CR1L: variants seen among roughly 807,000 people sequenced by gnomAD.
The protein encoded by CR1L is complement C3b/C4b receptor 1 like, also known as complement component receptor 1-like protein.
In CR1L, 59 loss-of-function variants were observed where a neutral mutation model predicts 62.3. That is an observed-to-expected ratio of 0.95 (90% CI 0.77 to 1.18). The LOEUF is 1.18. CR1L is among the 50% of genes most tolerant of loss of function. The pLI, the probability that CR1L is intolerant of heterozygous loss-of-function variation, is 0.00. For missense variants in CR1L, 700 were observed against 702.8 expected, an observed-to-expected ratio of 1.00 and a Z score of 0.04; for synonymous variants, 279 against 248.7, an observed-to-expected ratio of 1.12 and a Z score of -1.15.
Position 207,671,643 on chromosome 1 carries a change from G to A in CR1L, c.98-5746G>A, listed in dbSNP as rs140813098. ...AAAATGCTCAGTTAAAACAATAAACGGGGCCAGGCGCAGTGGCTCACACCT... is the reference window on the plus strand; with the variant it reads ...AAAATGCTCAGTTAAAACAATAAACAGGGCCAGGCGCAGTGGCTCACACCT... On this transcript the variant is annotated intron_variant, in intron 1 of 11. Transcript: ENST00000508064. Among the ~76,000 whole-genome samples the A allele has an allele frequency of 1.5e-3, 228 of 150,904 alleles. 10 individuals are homozygous for A. The highest frequency in any genetic ancestry group is 5.5e-3 in the African/African-American group (220 of 40,312).
chr1:207,688,504 CT>C (rs1212917254), intron 4 of CR1L, among the ~76,000 whole-genome samples: 23 of 152,110 alleles, frequency 1.5e-4, no homozygotes, highest in Admixed American at 1.5e-3. Flanking sequence ...TATTTGATAT[CT>C]GGTGGCATAT....
Position 207,673,030 on chromosome 1 carries a change from A to G in CR1L, c.98-4359A>G, listed in dbSNP as rs12751041. The stretch of plus-strand genomic sequence containing the variant: ...TCCCTCTCACCCTCCCTGCAAAGAC[A>G]CATGTATACAAATTTCTTTTGTCAG... On this transcript the variant is annotated intron_variant, in intron 1 of 11. Transcript: ENST00000508064. Among the ~76,000 whole-genome samples, 982 of 152,352 alleles carry G rather than the reference A, an allele frequency of 6.4e-3. 8 individuals carry two copies. Among genetic ancestry groups the G allele is most frequent in the Non-Finnish European group, 8.5e-3 (580 of 68,042 alleles).
At position 207,694,342 on chromosome 1, in the gene CR1L, T is replaced by A; in HGVS notation, c.464-11T>A. On this transcript the variant is annotated splice_polypyrimidine_tract_variant and intron_variant, in intron 4 of 11. Coordinates refer to ENST00000508064, the MANE Select transcript of CR1L (RefSeq NM_175710.2). ...TCATTATTTAAATTGACTGTGCTCT[T>A]CCTTTCCCAGGAATTATTTGTGGGC... 1 of 1,613,962 alleles carries A rather than the reference T, an allele frequency of 6.2e-7. No homozygotes were observed. Among genetic ancestry groups the A allele is most frequent in the Non-Finnish European group, 8.5e-7 (1 of 1,179,850 alleles).
chr1:207,707,642 C>G (rs1285991254), intron 9 of CR1L, among the ~76,000 whole-genome samples: 2 of 152,090 alleles, frequency 1.3e-5, no homozygotes, highest in Non-Finnish European at 2.9e-5. Context: ...AACAAACAAA[C>G]AAACAAAGCA....
rs761799099 is a variant in CR1L at position 207,697,598 on chromosome 1, C to T, written c.958C>T (p.Pro320Ser). Reference protein sequence around the residue: ...PGQEVFYSCEPGYDLRGSTYL... With the variant: ...PGQEVFYSCESGYDLRGSTYL... ...GCAGGAAGTGTTCTACAGCTGTGAGCCCGGCTACGACCTCAGAGGATCTAC... is the reference window on the plus strand; with the variant it reads ...GCAGGAAGTGTTCTACAGCTGTGAGTCCGGCTACGACCTCAGAGGATCTAC... Residue 320 changes from proline to serine, a missense_variant, in exon 6 of 12, where the codon CCC (proline) becomes TCC (serine). Physicochemically the swap from Pro to Ser is moderately conservative, Grantham distance 74. Transcript: ENST00000508064. 4 of 1,613,786 alleles carry T rather than the reference C, an allele frequency of 2.5e-6. No homozygotes were observed. The African/African-American group carries it at 4.0e-5, about 16-fold the overall frequency.
chr1:207,660,568 A>G (rs1052447397), intron 1 of CR1L, among the ~76,000 whole-genome samples: 2 of 151,932 alleles, frequency 1.3e-5, no homozygotes, highest in Non-Finnish European at 2.9e-5. Context: ...GCAGTCTATC[A>G]ATTTTGTTGA....
intron 1 of CR1L, among the ~76,000 whole-genome samples, chr1:207,671,021 A>C (rs1335584106): frequency 6.6e-6 from 1 of 151,068 alleles, no homozygotes; most frequent in East Asian, 1.9e-4. Context: ...TAGGTGGTGG[A>C]GTTTTATGAA....
chr1:207,699,264 A>C lies in CR1L; in HGVS notation c.1218A>C (p.Pro406=), dbSNP rs748445817. Residue 406 remains proline, a synonymous_variant, in exon 8 of 12, where the codon CCA becomes CCC. Transcript: ENST00000508064. ...AAAGCCTTTGGAATAGCAGTGTTCC[A>C]GTGTGTGAACGTAAGTAATAGGAGT... ...GMESLWNSSV[P]VCERKSCETP... The C allele has an allele frequency of 6.2e-6, 10 of 1,613,762 alleles. No individual in the cohort carries two copies. Among genetic ancestry groups the C allele is most frequent in the Non-Finnish European group, 7.6e-6 (9 of 1,179,668 alleles).
At chr1:207,655,791 A>T (rs1348114395) in intron 1 of CR1L, among the ~76,000 whole-genome samples, 2 of 152,234 alleles carry the variant, frequency 1.3e-5, no homozygotes, top group African/African-American at 4.8e-5. Flanking sequence ...AACATTTTTT[A>T]ATGAAAAATA....
intron 1 of CR1L, among the ~76,000 whole-genome samples, chr1:207,648,395 A>G (rs1369100288): frequency 1.4e-5 from 2 of 143,814 alleles, no homozygotes; most frequent in African/African-American, 5.1e-5. Context: ...CAAGACAGGT[A>G]TGAAACCTAG....
In CR1L at chr1:207,697,531, T is replaced by C. The variant is rs1264396345; in HGVS notation, c.891T>C (p.His297=). ...GTCAGCCACCTCCAGATGTCCTGCATGCTGAGCGTACCCAAAGGGACAAGG... is the reference window on the plus strand; with the variant it reads ...GTCAGCCACCTCCAGATGTCCTGCACGCTGAGCGTACCCAAAGGGACAAGG... ...RVCQPPPDVL[H]AERTQRDKDN... Residue 297 remains histidine, a synonymous_variant, in exon 6 of 12, where the codon CAT becomes CAC. Transcript: ENST00000508064. The C allele has an allele frequency of 6.2e-7, 1 of 1,613,786 alleles. No homozygotes were observed. The highest frequency in any genetic ancestry group is 8.5e-7 in the Non-Finnish European group (1 of 1,179,716).
Position 207,697,493 on chromosome 1 carries a change from C to A in CR1L, c.863-10C>A, listed in dbSNP as rs1017778578. On this transcript the variant is annotated splice_polypyrimidine_tract_variant and intron_variant, in intron 5 of 11. Coordinates refer to ENST00000508064, the MANE Select transcript of CR1L (RefSeq NM_175710.2). Reference sequence around the variant, plus strand: ...ACACAATTAGCAGTACTTTGTTTCTCTCTCCCCAGTATGTCAGCCACCTCC... The same window carrying A: ...ACACAATTAGCAGTACTTTGTTTCTATCTCCCCAGTATGTCAGCCACCTCC... The A allele has an allele frequency of 1.2e-6, 2 of 1,613,652 alleles. No individual in the cohort carries two copies. Among genetic ancestry groups the A allele is most frequent in the African/African-American group, 2.7e-5 (2 of 74,904 alleles).
chr1:207,673,332 T>C (rs530208074), intron 1 of CR1L, among the ~76,000 whole-genome samples: 109 of 152,358 alleles, frequency 7.2e-4, no homozygotes, highest in Non-Finnish European at 1.4e-3. Context: ...TTTGTGTACA[T>C]ATATAATTTA....
intron 1 of CR1L, chr1:207,652,530 T>G: frequency 7.1e-7 from 1 of 1,402,976 alleles, no homozygotes; most frequent in Non-Finnish European, 1.0e-6. Flanking sequence ...TTCATGTTCC[T>G]ATTCTCTTAT....
intron 1 of CR1L, among the ~76,000 whole-genome samples, chr1:207,661,605 C>T (rs918291452): frequency 6.6e-6 from 1 of 152,120 alleles, no homozygotes; most frequent in Non-Finnish European, 1.5e-5. Flanking sequence ...ATCCTATTTG[C>T]CAGTCTGTGT....
At position 207,697,883 on chromosome 1, in the gene CR1L, A is replaced by G. The variant is rs534701998; in HGVS notation, c.1142+10A>G. The G allele has an allele frequency of 8.1e-6, 13 of 1,613,820 alleles. No individual in the cohort carries two copies. The highest frequency in any genetic ancestry group is 2.2e-5 in the South Asian group (2 of 91,082). On this transcript the variant is annotated intron_variant, in intron 7 of 11. Coordinates refer to ENST00000508064, the MANE Select transcript of CR1L (RefSeq NM_175710.2). ...TTGTTTGTGATGAAGGGTGAGTATG[A>G]GCTTGCCTGACCTGCTGGACATTGA...
intron 1 of CR1L, chr1:207,658,754 C>T (rs571864230): frequency 1.3e-5 from 2 of 152,460 alleles, no homozygotes; most frequent in South Asian, 2.1e-4. Context: ...ATGCCCCCCA[C>T]TTCGGAGACT....
chr1:207,683,523 A>G (rs11118354), intron 3 of CR1L, among the ~76,000 whole-genome samples: 55,281 of 152,002 alleles, frequency 0.36, 10,205 homozygotes, highest in Non-Finnish European at 0.4. Context: ...CAACAGGACT[A>G]CATACACACA....
intron 11 of CR1L, among the ~76,000 whole-genome samples, 154 bp from the exon 12 acceptor site, chr1:207,723,464 A>T (rs1654183265): frequency 6.6e-6 from 1 of 152,134 alleles, no homozygotes; most frequent in Non-Finnish European, 1.5e-5. Context: ...AGAAGGTAAA[A>T]TGAGAGTATA....
Sources: gnomAD v4.1 joint callset for allele counts (sites outside exome capture counted in the v4.1 genomes callset) on GRCh38, gnomAD v4.1.1 for gene constraint, MANE v1.5 for transcripts, NCBI Gene and HGNC (gene_info 2026-07-23, HGNC 2026-07-21) for gene names.